The following GOSR2 variants were observed in gnomAD, a reference collection of about 807,000 sequenced individuals.
GOSR2 encodes golgi SNAP receptor complex member 2.
A neutral mutation model predicts 27.9 loss-of-function variants in GOSR2; 20 were observed. The observed-to-expected ratio is 0.72, with a 90% confidence interval of 0.50 to 1.04. The LOEUF (loss-of-function observed/expected upper bound fraction) is 1.04, where lower values mean the gene tolerates loss of function less well. Among genes scored for constraint, GOSR2 ranks in the 50% least tolerant of loss-of-function variants. The probability of loss-of-function intolerance (pLI) is 0.00; values close to 1 mark genes in which losing one functional copy is unlikely to be tolerated. For synonymous variants in GOSR2, 91 were observed against 98.8 expected, an observed-to-expected ratio of 0.92 and a Z score of 0.47; for missense variants, 261 against 270.5, an observed-to-expected ratio of 0.97 and a Z score of 0.25.
intron 5 of GOSR2, chr17:46,936,139 T>G (rs12451965): frequency 1.0e-5 from 10 of 985,790 alleles, no homozygotes; most frequent in Non-Finnish European, 1.2e-5. Flanking sequence ...GGAAGGGTGG[T>G]CTCCAGCAGC....
intron 1 of GOSR2, among the ~76,000 whole-genome samples, chr17:46,927,678 GT>G (rs1598943559): frequency 6.6e-6 from 1 of 152,138 alleles, no homozygotes; most frequent in Non-Finnish European, 1.5e-5. Flanking sequence ...TGTCTAGGCT[GT>G]TTCTTTCCTC....
At chr17:46,944,746 C>T (rs1302520094), downstream of GOSR2, among the ~76,000 whole-genome samples, 1 of 151,992 alleles carries the variant, frequency 6.6e-6, no homozygotes, top group African/African-American at 2.4e-5. Flanking sequence ...ATTACAGGCA[C>T]CCACTACCAC....
rs770999907 is a variant in GOSR2 at position 46,938,790 on chromosome 17, T to G, written c.*30T>G. ...GCCACGCTCAGTGGCTGAACAGCAT[T>G]CCCACAGCCTGCAAGTGTGTGTGTG... On this transcript the variant is annotated 3_prime_UTR_variant, in exon 6 of 6. Transcript: ENST00000640051. 5 of 1,613,122 alleles carry G rather than the reference T, an allele frequency of 3.1e-6. No homozygotes were observed. In the South Asian group the frequency reaches 3.3e-5, roughly 11 times the overall value.
At chr17:46,931,375 C>T (rs940742582) in intron 3 of GOSR2, 168 bp downstream of exon 3, 8 of 640,856 alleles carry the variant, frequency 1.2e-5, no homozygotes, top group African/African-American at 5.5e-5. Flanking sequence ...TGAGTGATGC[C>T]GCTCAAAATA....
At chr17:46,958,325 A>G (rs571660176) in intron 6 of GOSR2, among the ~76,000 whole-genome samples, 122 of 152,224 alleles carry the variant, frequency 8.0e-4, no homozygotes, top group Non-Finnish European at 6.6e-4. Context: ...TCAAGACAGG[A>G]TCTCCATGGC....
chr17:46,958,619 G>A (rs1323246559), intron 6 of GOSR2, among the ~76,000 whole-genome samples: 2 of 152,240 alleles, frequency 1.3e-5, no homozygotes, highest in Non-Finnish European at 2.9e-5. Context: ...AGTGGGATGT[G>A]CCAGCTCAGG....
chr17:46,939,317 C>T lies in GOSR2; in HGVS notation c.*557C>T. The T allele has an allele frequency of 9.9e-7, 1 of 1,011,854 alleles. No homozygotes were observed. The allele number at this position is 1,011,854 out of a possible 1,614,324, so 62.7% of individuals were successfully genotyped here. On this transcript the variant is annotated 3_prime_UTR_variant, in exon 6 of 6. Transcript: ENST00000640051. ...TGACTGCCAATACTTGTCACCATTC[C>T]CTGGAAGCAGCTACCTAGGGGAAAC...
In GOSR2 at chr17:46,941,160, A is replaced by G; in HGVS notation, c.*2400A>G. On this transcript the variant is annotated 3_prime_UTR_variant, in exon 6 of 6. Coordinates refer to ENST00000640051, the MANE Select transcript of GOSR2 (RefSeq NM_004287.5). The stretch of plus-strand genomic sequence containing the variant: ...AGATCTCTTTATTACATGGACATTT[A>G]CTTCAGGGGGACCACTGTAAGAAAA... 1 of 1,007,362 alleles carries G rather than the reference A, an allele frequency of 9.9e-7. No homozygotes were observed. The highest frequency in any genetic ancestry group is 1.2e-6 in the Non-Finnish European group (1 of 841,338). 62.4% of individuals were successfully genotyped at this position (1,007,362 alleles called of 1,614,324 possible).
downstream of GOSR2, among the ~76,000 whole-genome samples, chr17:46,969,871 C>G (rs1174820158): frequency 6.6e-6 from 1 of 152,166 alleles, no homozygotes; most frequent in African/African-American, 2.4e-5. Flanking sequence ...TCCCCTTGCC[C>G]CCTCTCTGGT....
rs2089051785 is a variant in GOSR2, at chr17:46,940,141, C to T, written c.*1381C>T. On this transcript the variant is annotated 3_prime_UTR_variant, in exon 6 of 6. Coordinates refer to ENST00000640051, the MANE Select transcript of GOSR2 (RefSeq NM_004287.5). ...ACCTCTCTTGTTCCCCTCCCCGCTGCTCTGTAGTCATGTTGGTCCTTTCAG... is the reference window on the plus strand; with the variant it reads ...ACCTCTCTTGTTCCCCTCCCCGCTGTTCTGTAGTCATGTTGGTCCTTTCAG... 1 of 1,288,668 alleles carries T rather than the reference C, an allele frequency of 7.8e-7. No individual in the cohort carries two copies. Among genetic ancestry groups the T allele is most frequent in the African/African-American group, 1.5e-5 (1 of 67,134 alleles). The allele number at this position is 1,288,668 out of a possible 1,614,324, so 79.8% of individuals were successfully genotyped here.
intron 2 of GOSR2, chr17:46,930,428 A>G (rs2087170170): frequency 1.3e-5 from 2 of 152,226 alleles, no homozygotes; most frequent in African/African-American, 4.8e-5. Flanking sequence ...GAAAGAGGTC[A>G]TTTTGACTGT....
At chr17:46,923,308 C>G (rs914271265) in intron 1 of GOSR2, 87 bp downstream of exon 1, 15 of 1,545,818 alleles carry the variant, frequency 9.7e-6, no homozygotes, top group Non-Finnish European at 1.3e-5. Flanking sequence ...CGGACGTCAG[C>G]CAGGGTAGAG....
intron 5 of GOSR2, chr17:46,935,831 G>C: frequency 2.0e-6 from 2 of 986,208 alleles, no homozygotes; most frequent in Non-Finnish European, 2.4e-6. Context: ...CAGTCATGAT[G>C]TTTCAGCCTC....
downstream of GOSR2, among the ~76,000 whole-genome samples, chr17:46,967,238 G>A (rs1036192626): frequency 1.3e-5 from 2 of 152,232 alleles, no homozygotes; most frequent in Admixed American, 6.5e-5. Context: ...CAGTCTGCCT[G>A]GGTTTGGATC....
Position 46,939,615 on chromosome 17 carries a change from T to C in GOSR2, c.*855T>C. ...CCAATTACAGTCTCAGCTCTAGTTTTAGTATCTCTAATTCTTTGGTTCCCT... is the reference window on the plus strand; with the variant it reads ...CCAATTACAGTCTCAGCTCTAGTTTCAGTATCTCTAATTCTTTGGTTCCCT... On this transcript the variant is annotated 3_prime_UTR_variant, in exon 6 of 6. Coordinates refer to ENST00000640051, the MANE Select transcript of GOSR2 (RefSeq NM_004287.5). 6 of 985,670 alleles carry C rather than the reference T, an allele frequency of 6.1e-6. No individual in the cohort carries two copies. The highest frequency in any genetic ancestry group is 1.7e-5 in the African/African-American group (1 of 57,384). 61.1% of individuals were successfully genotyped at this position (985,670 alleles called of 1,614,324 possible).
intron 6 of GOSR2, among the ~76,000 whole-genome samples, chr17:46,974,943 A>G (rs965528089): frequency 2.0e-5 from 3 of 147,174 alleles, no homozygotes; most frequent in Non-Finnish European, 4.5e-5. Context: ...TTATGAAAGT[A>G]CTCTGAAAAC....
At chr17:46,927,422 G>A (rs2191033) in intron 1 of GOSR2, among the ~76,000 whole-genome samples, 80,536 of 151,860 alleles carry the variant, frequency 0.53, 22,053 homozygotes, top group South Asian at 0.63. Flanking sequence ...GTTTTGTGGG[G>A]GTGGGTAGTT....
intron 6 of GOSR2, among the ~76,000 whole-genome samples, chr17:46,960,561 A>C (rs1169634604): frequency 6.6e-6 from 1 of 152,256 alleles, no homozygotes; most frequent in Non-Finnish European, 1.5e-5. Flanking sequence ...ACTCTACATG[A>C]GGATTTATTT....
chr17:46,933,616 A>G (rs1254297519), intron 4 of GOSR2: 1 of 132,480 alleles, frequency 7.5e-6, no homozygotes, highest in Non-Finnish European at 1.6e-5. Context: ...AGCAGCAAAG[A>G]AACAGTGGCA....
Sources: gnomAD v4.1 joint callset for allele counts (sites outside exome capture counted in the v4.1 genomes callset) on GRCh38, gnomAD v4.1.1 for gene constraint, MANE v1.5 for transcripts, NCBI Gene and HGNC (gene_info 2026-07-23, HGNC 2026-07-21) for gene names.